CD4: variants seen among roughly 807,000 people sequenced by gnomAD.
The protein encoded by CD4 is CD4 molecule, also known as T-cell surface glycoprotein CD4.
Under a neutral mutation model 50.5 loss-of-function variants are expected in CD4, and 25 were observed. The observed-to-expected ratio is 0.49, with a 90% CI of 0.36 to 0.69. The LOEUF is 0.69. CD4 is among the 30% of genes least tolerant of loss of function. The probability of loss-of-function intolerance (pLI) is 0.00; values close to 1 mark genes in which losing one functional copy is unlikely to be tolerated. For synonymous variants in CD4, 207 were observed against 221.9 expected (o/e 0.93, Z 0.60); for missense variants, 456 against 548.5 (o/e 0.83, Z 1.68).
At chr12:6,791,265 C>T (rs957140114) in intron 1 of CD4, among the ~76,000 whole-genome samples, 24 of 152,276 alleles carry the variant, frequency 1.6e-4, no homozygotes, top group Admixed American at 1.2e-3. Flanking sequence ...ATTTTTGAGA[C>T]GGAGTCTCGC....
intron 7 of CD4, among the ~76,000 whole-genome samples, chr12:6,817,869 G>GCA (rs201788794): frequency 4.1e-5 from 6 of 146,748 alleles, no homozygotes; most frequent in African/African-American, 8.0e-5. Flanking sequence ...ACACATGCAT[G>GCA]CACACACACA....
At chr12:6,797,116 G>T (rs1455270473) in intron 1 of CD4, among the ~76,000 whole-genome samples, 1 of 152,154 alleles carries the variant, frequency 6.6e-6, no homozygotes, top group Non-Finnish European at 1.5e-5. Context: ...TGGGGCCGAG[G>T]ATCTGCATTT....
At chr12:6,789,968 C>T (rs1383463773) in intron 1 of CD4, among the ~76,000 whole-genome samples, 1 of 151,968 alleles carries the variant, frequency 6.6e-6, no homozygotes, top group Admixed American at 6.6e-5. Context: ...AGACTGGAGA[C>T]TATCCCAGGC....
At position 6,818,791 on chromosome 12, in the gene CD4, C is replaced by T. The variant is rs782395315; in HGVS notation, c.1279-56C>T. On this transcript the variant is annotated intron_variant, in intron 8 of 9. Transcript: ENST00000011653. The surrounding 1 kb of genome is among the most constrained non-coding windows in gnomAD (Gnocchi z 5.0). ...TTCCCCCACTCCCCCCACCAAGGGG[C>T]ACCTCCCTTCTGGAGGCCTGGGACC... is the stretch of plus-strand genomic sequence containing the variant. 1 of 1,486,726 alleles carries T rather than the reference C, an allele frequency of 6.7e-7. No homozygotes were observed. The highest frequency in any genetic ancestry group is 2.3e-5 in the East Asian group (1 of 44,186). 92.1% of individuals were successfully genotyped at this position (1,486,726 alleles called of 1,614,324 possible).
chr12:6,814,838 C>T lies in CD4; in HGVS notation c.453C>T (p.Pro151=), dbSNP rs782344955. 13 of 1,613,534 alleles carry T rather than the reference C, an allele frequency of 8.1e-6. No individual in the cohort carries two copies. Among genetic ancestry groups the T allele is most frequent in the Admixed American group, 1.7e-5 (1 of 59,922 alleles). ...TGGAGAGCCCCCCTGGTAGTAGCCC[C>T]TCAGTGCAATGTAGGAGTCCAAGGG... ...LTLESPPGSS[P]SVQCRSPRGK... is the part of the protein sequence containing the mutation. Residue 151 remains proline, a synonymous_variant, in exon 5 of 10, where the codon CCC becomes CCT. Transcript: ENST00000011653.
At chr12:6,794,620 C>T (rs2137837701) in intron 1 of CD4, among the ~76,000 whole-genome samples, 1 of 152,232 alleles carries the variant, frequency 6.6e-6, no homozygotes, top group East Asian at 1.9e-4. Flanking sequence ...GATCCACTTG[C>T]CTTGGCCTCC....
In CD4 at chr12:6,800,461, C is replaced by A; in HGVS notation, c.204C>A (p.Phe68Leu). The part of the protein sequence containing the change: ...QIKILGNQGS[F>L]LTKGPSKLND... ...AGATTCTGGGAAATCAGGGCTCCTT[C>A]TTAACTAAAGGTAGGGTTGCCTGGC... is the stretch of plus-strand genomic sequence containing the variant. The change falls in exon 3 of 10, where the codon TTC (phenylalanine) becomes TTA (leucine). Residue 68 changes from phenylalanine (F) to leucine (L), a missense_variant. By Grantham distance (22) the Phe-to-Leu change is conservative. Coordinates refer to ENST00000011653, the MANE Select transcript of CD4 (RefSeq NM_000616.5). 1 of 1,613,174 alleles carries A rather than the reference C, an allele frequency of 6.2e-7. No homozygotes were observed. The highest frequency in any genetic ancestry group is 8.5e-7 in the Non-Finnish European group (1 of 1,179,662).
chr12:6,805,374 C>G (rs1466630580), intron 3 of CD4, among the ~76,000 whole-genome samples: 2 of 151,396 alleles, frequency 1.3e-5, no homozygotes, highest in African/African-American at 2.4e-5. Flanking sequence ...ACCAGCCTGG[C>G]CAACATGGTG....
rs1942193458 is a variant in CD4, at chr12:6,792,609, C to T, written c.-68+2947C>T. Among the ~76,000 whole-genome samples the T allele has an allele frequency of 6.6e-6, 1 of 152,130 alleles. No individual in the cohort carries two copies. Among genetic ancestry groups the T allele is most frequent in the East Asian group, 1.9e-4 (1 of 5,192 alleles). On this transcript the variant is annotated intron_variant, in intron 1 of 9. Transcript: ENST00000011653. The surrounding 1 kb of genome is among the most constrained non-coding windows in gnomAD (Gnocchi z 4.1). Reference sequence around the variant, plus strand: ...GTCCATTTCCCTTTGTCCATGTGTCCCTCCCACCCTGCAGCCGGCTCCCTC... The same window carrying T: ...GTCCATTTCCCTTTGTCCATGTGTCTCTCCCACCCTGCAGCCGGCTCCCTC...
At chr12:6,794,357 G>A (rs1475757525) in intron 1 of CD4, among the ~76,000 whole-genome samples, 5 of 149,158 alleles carry the variant, frequency 3.4e-5, no homozygotes, top group Admixed American at 2.7e-4. Context: ...GTGAGCCACC[G>A]TGCCTGGACA....
intron 3 of CD4, among the ~76,000 whole-genome samples, chr12:6,805,385 A>C (rs1315153997): frequency 6.6e-6 from 1 of 151,748 alleles, no homozygotes; most frequent in Admixed American, 6.6e-5. Flanking sequence ...CAACATGGTG[A>C]AACCCCGTCT....
chr12:6,799,626 G>A (rs2269354), intron 1 of CD4: 85,555 of 154,464 alleles, frequency 0.55, 24,826 homozygotes, highest in Non-Finnish European at 0.65. Context: ...GACTACAGGT[G>A]CATGCCACCA....
intron 3 of CD4, among the ~76,000 whole-genome samples, chr12:6,805,892 T>TAATCATAGCTCATA (rs1486446052): frequency 2.0e-5 from 3 of 151,828 alleles, no homozygotes; most frequent in Non-Finnish European, 4.4e-5. Context: ...CAGTGAGCTA[T>TAATCATAGCTCATA]GATTGTGTCA....
intron 1 of CD4, among the ~76,000 whole-genome samples, chr12:6,794,801 T>TTTTTTTTTTTTTTTTTTTTTTTTG (rs1942320912): frequency 7.0e-6 from 1 of 142,846 alleles, no homozygotes; most frequent in East Asian, 2.0e-4. Flanking sequence ...TTTTTTTTTT[T>TTTTTTTTTTTTTTTTTTTTTTTTG]TGAGATAGAG....
In CD4 at chr12:6,814,266, C is replaced by T; in HGVS notation, c.339C>T (p.Asp113=). The T allele has an allele frequency of 8.1e-6, 13 of 1,613,918 alleles. No individual in the cohort carries two copies. Among genetic ancestry groups the T allele is most frequent in the Non-Finnish European group, 1.1e-5 (13 of 1,179,894 alleles). ...DSDTYICEVE[D]QKEEVQLLVF... ...ATACTTACATCTGTGAAGTGGAGGA[C>T]CAGAAGGAGGAGGTGCAATTGCTAG... Residue 113 remains aspartate (D), a synonymous_variant, in exon 4 of 10, where the codon GAC becomes GAT. Coordinates refer to ENST00000011653, the MANE Select transcript of CD4 (RefSeq NM_000616.5).
At chr12:6,794,929 A>G (rs1294772416) in intron 1 of CD4, among the ~76,000 whole-genome samples, 4 of 151,794 alleles carry the variant, frequency 2.6e-5, no homozygotes, top group African/African-American at 9.7e-5. Context: ...CTGGGATTAC[A>G]GGCCCGTACC....
intron 4 of CD4, 101 bp from the exon 5 acceptor site, chr12:6,814,658 G>A (rs138551841): frequency 1.7e-5 from 16 of 927,954 alleles, no homozygotes; most frequent in Middle Eastern, 2.1e-4. Context: ...GGAAGGAGAT[G>A]TTGGGACGGC....
intron 3 of CD4, among the ~76,000 whole-genome samples, chr12:6,804,162 GCA>G (rs57392353): frequency 0.013 from 2,022 of 150,430 alleles, 40 homozygotes; most frequent in African/African-American, 0.044. Flanking sequence ...AAAATAAAAA[GCA>G]CACACACACA....
chr12:6,815,517 C>T (rs1214620999), intron 5 of CD4, among the ~76,000 whole-genome samples: 2 of 152,180 alleles, frequency 1.3e-5, no homozygotes, highest in East Asian at 3.8e-4. Flanking sequence ...TGCATGTACG[C>T]TGATTGAAAT....
Sources: allele counts gnomAD v4.1 joint callset (sites outside exome capture counted in the v4.1 genomes callset), GRCh38; gene constraint gnomAD v4.1.1; non-coding constraint Gnocchi (gnomAD v3.1); transcripts MANE v1.5; gene names NCBI Gene and HGNC (gene_info 2026-07-23, HGNC 2026-07-21).